MYO1E: variants seen among roughly 807,000 people sequenced by gnomAD.
The protein encoded by MYO1E is myosin IE.
Under a neutral mutation model 151.1 loss-of-function variants are expected in MYO1E, and 68 were observed. The ratio of observed to expected loss-of-function variants is 0.45; its 90% CI spans 0.37 to 0.55. The LOEUF is 0.55. MYO1E is among the 20% of genes least tolerant of loss of function. The pLI is 0.00. For missense variants in MYO1E, 1,363 were observed against 1,389.3 expected, an observed-to-expected ratio of 0.98 and a Z score of 0.30; for synonymous variants, 601 against 501.7, an observed-to-expected ratio of 1.20 and a Z score of -2.64.
At chr15:59,285,666 A>G (rs1193728609) in intron 1 of MYO1E, among the ~76,000 whole-genome samples, 1 of 152,230 alleles carries the variant, frequency 6.6e-6, no homozygotes, top group Non-Finnish European at 1.5e-5. Flanking sequence ...GTCTTTAAAA[A>G]AAATAATAAA....
intron 25 of MYO1E, among the ~76,000 whole-genome samples, chr15:59,154,153 G>C (rs1237133296): frequency 3.3e-5 from 5 of 152,204 alleles, no homozygotes; most frequent in African/African-American, 9.7e-5. Flanking sequence ...CCCACAGTAA[G>C]GTAAGCTTAC....
chr15:59,155,027 G>C (rs2079501929), intron 25 of MYO1E, among the ~76,000 whole-genome samples: 1 of 152,176 alleles, frequency 6.6e-6, no homozygotes, highest in Admixed American at 6.5e-5. Flanking sequence ...CAGTGAGTGA[G>C]AGCTGAATGG....
intron 4 of MYO1E, among the ~76,000 whole-genome samples, chr15:59,250,897 C>T (rs1752795300): frequency 6.6e-6 from 1 of 152,174 alleles, no homozygotes; most frequent in African/African-American, 2.4e-5. Context: ...CATCCCGCTT[C>T]AGTGCAGGTG....
At position 59,329,353 on chromosome 15, in the gene MYO1E, T is replaced by C. The variant is rs551651129; in HGVS notation, c.3+43145A>G. 2.6e-5 allele frequency among the ~76,000 whole-genome samples: 4 copies of C among 152,304 alleles called. No homozygotes were observed. The East Asian group carries it at 5.8e-4, about 22-fold the overall frequency. On this transcript the variant is annotated intron_variant, in intron 1 of 27. Transcript: ENST00000288235. The stretch of plus-strand genomic sequence containing the variant: ...GTTAAAGGACTTACCTAACGTGCCA[T>C]AGCTAGAAAGTGGTGTCGAGCTGGG...
At chr15:59,214,511 T>C in intron 11 of MYO1E, 129 bp downstream of exon 11, 2 of 1,038,340 alleles carry the variant, frequency 1.9e-6, no homozygotes, top group Admixed American at 1.8e-5. Context: ...AAAATGAGCC[T>C]GAGTTGTTTT....
intron 16 of MYO1E, among the ~76,000 whole-genome samples, chr15:59,196,986 CTTTTTTTTT>C (rs71977305): frequency 9.8e-5 from 7 of 71,512 alleles, no homozygotes; most frequent in Admixed American, 7.6e-4. Context: ...TTAATTACGA[CTTTTTTTTT>C]TTTTTTTTTT....
chr15:59,182,608 G>C (rs2079670439), intron 18 of MYO1E, among the ~76,000 whole-genome samples: 1 of 152,204 alleles, frequency 6.6e-6, no homozygotes, highest in Non-Finnish European at 1.5e-5. Context: ...GAAAGGAAAA[G>C]CTTACAGCAG....
intron 1 of MYO1E, among the ~76,000 whole-genome samples, chr15:59,328,953 A>G (rs2080682979): frequency 6.6e-6 from 1 of 152,234 alleles, no homozygotes; most frequent in Admixed American, 6.5e-5. Flanking sequence ...CTTTGCCCAC[A>G]GCTAATCAGG....
At chr15:59,322,181 TAA>T (rs11300619) in intron 1 of MYO1E, among the ~76,000 whole-genome samples, 39 of 140,304 alleles carry the variant, frequency 2.8e-4, no homozygotes, top group African/African-American at 7.1e-4. Context: ...TCTCAAAAAT[TAA>T]AAAAAAAAAA....
intron 10 of MYO1E, among the ~76,000 whole-genome samples, chr15:59,216,685 T>TATAC (rs1232339026): frequency 0.011 from 423 of 38,596 alleles, 7 homozygotes; most frequent in Non-Finnish European, 0.014. Flanking sequence ...TATATATATA[T>TATAC]ACACATACAC....
chr15:59,209,415 T>C (rs2079862429), intron 13 of MYO1E, among the ~76,000 whole-genome samples: 1 of 151,190 alleles, frequency 6.6e-6, no homozygotes, highest in South Asian at 2.1e-4. Flanking sequence ...TGGTGGCTCA[T>C]GCCTGTAATC....
chr15:59,178,500 G>C lies in MYO1E; in HGVS notation c.1942C>G (p.Gln648Glu), dbSNP rs376503701. 34 of 1,614,064 alleles carry C rather than the reference G, an allele frequency of 2.1e-5. No homozygotes were observed. The highest frequency in any genetic ancestry group is 1.6e-4 in the Middle Eastern group (1 of 6,084). The change falls in exon 19 of 28, where the codon CAG (glutamine) becomes GAG (glutamate). Residue 648 changes from glutamine (Q) to glutamate (E), a missense_variant. Coordinates refer to ENST00000288235, the MANE Select transcript of MYO1E (RefSeq NM_004998.4). Reference protein sequence around the residue: ...ILTKATWPSWQGEEKQGVLHL... With the variant: ...ILTKATWPSWEGEEKQGVLHL... ...AGGACGCCTTGCTTCTCCTCTCCCT[G>C]CCAAGAAGGCCAGGTGGCTTTGGTC... is the stretch of plus-strand genomic sequence containing the variant.
In MYO1E at chr15:59,218,002, C is replaced by G. The variant is rs756874781; in HGVS notation, c.996G>C (p.Trp332Cys). ...KLTSRQMDSK[W>C]GGKSESIHVT... is the part of the protein sequence containing the mutation. ...CGTGGATGGATTCGGATTTGCCTCC[C>G]CACTTGCTATCCATCTGCCGGCTTG... Residue 332 changes from tryptophan to cysteine, a missense_variant, in exon 10 of 28, where the codon TGG becomes TGC. By Grantham distance (215) the Trp-to-Cys change is radical (BLOSUM62 -2). Transcript: ENST00000288235. The G allele has an allele frequency of 6.2e-7, 1 of 1,614,126 alleles. No homozygotes were observed. Among genetic ancestry groups the G allele is most frequent in the African/African-American group, 1.3e-5 (1 of 74,948 alleles).
intron 13 of MYO1E, among the ~76,000 whole-genome samples, chr15:59,210,047 G>A (rs1596367129): frequency 6.6e-6 from 1 of 151,508 alleles, no homozygotes; most frequent in South Asian, 2.1e-4. Flanking sequence ...TAAATTTTGT[G>A]TTTAGAAATA....
chr15:59,200,874 T>G (rs1306743162), intron 16 of MYO1E, among the ~76,000 whole-genome samples: 1 of 151,904 alleles, frequency 6.6e-6, no homozygotes, highest in Admixed American at 6.6e-5. Context: ...ACTGAGAGCG[T>G]AAGTAACACC....
intron 8 of MYO1E, among the ~76,000 whole-genome samples, chr15:59,224,428 G>A (rs1320007512): frequency 6.6e-6 from 1 of 152,104 alleles, no homozygotes; most frequent in African/African-American, 2.4e-5. Context: ...AATCATTTTT[G>A]CCTATTTATC....
At chr15:59,314,209 C>T (rs2080571109) in intron 1 of MYO1E, among the ~76,000 whole-genome samples, 1 of 152,192 alleles carries the variant, frequency 6.6e-6, no homozygotes, top group Non-Finnish European at 1.5e-5. Flanking sequence ...GCCACTTAAA[C>T]CATTCTGTGC....
Position 59,366,310 on chromosome 15 carries a change from T to C in MYO1E, c.3+6188A>G, listed in dbSNP as rs11637167. On this transcript the variant is annotated intron_variant, in intron 1 of 27. Coordinates refer to ENST00000288235, the MANE Select transcript of MYO1E (RefSeq NM_004998.4). ...CTTTCTTTTTTTTCTCTCTCTCTCT[T>C]TCTCTCTCTCTCTCTCACTCTCACC... Among the ~76,000 whole-genome samples the C allele has an allele frequency of 6.5e-4, 83 of 128,430 alleles. No individual in the cohort carries two copies. The East Asian group carries it at 0.011, about 17-fold the overall frequency. 84.3% of individuals were successfully genotyped at this position (128,430 alleles called of 152,430 possible).
intron 9 of MYO1E, among the ~76,000 whole-genome samples, chr15:59,220,520 C>A (rs1390032975): frequency 3.9e-5 from 6 of 152,104 alleles, no homozygotes; most frequent in Admixed American, 3.3e-4. Flanking sequence ...TTTAGTAGGC[C>A]AGTTCTGATG....
Sources: gnomAD v4.1 joint callset for allele counts (sites outside exome capture counted in the v4.1 genomes callset) on GRCh38, gnomAD v4.1.1 for gene constraint, MANE v1.5 for transcripts, NCBI Gene and HGNC (gene_info 2026-07-23, HGNC 2026-07-21) for gene names.